Variants in DPYS observed in about 807,000 individuals in gnomAD.
DPYS encodes dihydropyrimidinase.
DPYS carries 39 observed loss-of-function variants against 50.3 expected under a neutral mutation model. The ratio of observed to expected loss-of-function variants is 0.78; its 90% CI spans 0.60 to 1.01. The LOEUF is 1.01. DPYS is among the 50% of genes least tolerant of loss of function. The probability of loss-of-function intolerance (pLI) is 0.00; values close to 1 mark genes in which losing one functional copy is unlikely to be tolerated. For synonymous variants in DPYS, 245 were observed against 250.7 expected (o/e 0.98, Z 0.22); for missense variants, 659 against 680.9 (o/e 0.97, Z 0.36).
intron 5 of DPYS, 142 bp downstream of exon 5, chr8:104,429,403 G>A (rs1812868859): frequency 1.0e-6 from 1 of 1,004,948 alleles, no homozygotes; most frequent in East Asian, 2.5e-5. Flanking sequence ...TTGCTCTGCA[G>A]GTGAGGGGTA....
chr8:104,416,754 G>A (rs1812383899), intron 7 of DPYS, among the ~76,000 whole-genome samples: 1 of 152,020 alleles, frequency 6.6e-6, no homozygotes, highest in South Asian at 2.1e-4. Flanking sequence ...CAACTTCAAG[G>A]GAAAATGCTT....
intron 7 of DPYS, among the ~76,000 whole-genome samples, chr8:104,413,284 T>G (rs937311525): frequency 1.2e-4 from 18 of 151,778 alleles, no homozygotes; most frequent in Non-Finnish European, 2.5e-4. Context: ...ATACATATAG[T>G]ACAATTCATA....
intron 4 of DPYS, among the ~76,000 whole-genome samples, chr8:104,432,270 G>T (rs949724369): frequency 2.0e-5 from 3 of 152,204 alleles, no homozygotes; most frequent in Admixed American, 2.0e-4. Flanking sequence ...ACTTAAAGGA[G>T]TTTTACCCTT....
chr8:104,412,340 A>G (rs1170389049), intron 7 of DPYS, among the ~76,000 whole-genome samples: 2 of 152,216 alleles, frequency 1.3e-5, no homozygotes, highest in Non-Finnish European at 2.9e-5. Flanking sequence ...CTATGTGATG[A>G]GCTCAGAAAA....
At chr8:104,412,850 T>C (rs567303506) in intron 7 of DPYS, among the ~76,000 whole-genome samples, 10 of 152,308 alleles carry the variant, frequency 6.6e-5, no homozygotes, top group Admixed American at 2.0e-4. Flanking sequence ...TTATGCCTAA[T>C]CACTTTGTCT....
At chr8:104,445,686 CA>C (rs935349731) in intron 3 of DPYS, among the ~76,000 whole-genome samples, 2 of 149,070 alleles carry the variant, frequency 1.3e-5, no homozygotes, top group African/African-American at 2.5e-5. Flanking sequence ...GTGTGTAAAA[CA>C]AAAAAAAAGA....
intron 4 of DPYS, among the ~76,000 whole-genome samples, chr8:104,432,628 A>G (rs139473188): frequency 6.6e-6 from 1 of 152,370 alleles, no homozygotes; most frequent in East Asian, 1.9e-4. Context: ...TTGAGAAGGC[A>G]AATACATAGA....
intron 8 of DPYS, 25 bp from the exon 9 acceptor site, chr8:104,381,339 T>C: frequency 6.2e-7 from 1 of 1,605,796 alleles, no homozygotes; most frequent in East Asian, 2.2e-5. Context: ...TTCATTTCTC[T>C]CTTGTGGTTT....
Position 104,451,300 on chromosome 8 carries a change from G to A in DPYS, c.369C>T (p.Pro123=), listed in dbSNP as rs1813728224. 6.2e-7 allele frequency: 1 copy of A among 1,614,016 alleles called. No individual in the cohort carries two copies. The highest frequency in any genetic ancestry group is 1.7e-5 in the Admixed American group (1 of 59,998). ...GAAGGCTGTAGTCGCAGCAAACTTT[G>A]GGATCAGCCCAGCTTCGCCAGGTCT... ...AFETWRSWAD[P]KVCCDYSLHV... Residue 123 remains proline, a synonymous_variant, in exon 2 of 10, where the codon CCC becomes CCT. Coordinates refer to ENST00000351513, the MANE Select transcript of DPYS (RefSeq NM_001385.3).
chr8:104,446,229 T>C (rs1813525470), intron 3 of DPYS, among the ~76,000 whole-genome samples: 1 of 152,066 alleles, frequency 6.6e-6, no homozygotes, highest in Admixed American at 6.5e-5. Context: ...CTCATAAATA[T>C]ATACACTACT....
chr8:104,402,684 A>T (rs929104180), intron 7 of DPYS, among the ~76,000 whole-genome samples: 1 of 152,168 alleles, frequency 6.6e-6, no homozygotes, highest in Non-Finnish European at 1.5e-5. Flanking sequence ...CTCACACAAC[A>T]TCCTTCCCGA....
At chr8:104,381,364 A>AAAGTT (rs1811030697) in intron 8 of DPYS, 50 bp from the exon 9 acceptor site, 1 of 1,537,432 alleles carries the variant, frequency 6.5e-7, no homozygotes, top group Non-Finnish European at 9.0e-7. Context: ...TCTTGAGTTC[A>AAAGTT]AAGTTAAGTG....
At chr8:104,413,572 CTTAAAACACAGAAACCAGCCAT>C (rs1812267088) in intron 7 of DPYS, among the ~76,000 whole-genome samples, 1 of 151,992 alleles carries the variant, frequency 6.6e-6, no homozygotes, top group South Asian at 2.1e-4. Flanking sequence ...CTCAAAGAGA[CTTAAAACACAGAAACCAGCCAT>C]TTACTATAAT....
At chr8:104,395,690 C>A (rs929311956) in intron 7 of DPYS, among the ~76,000 whole-genome samples, 1 of 152,194 alleles carries the variant, frequency 6.6e-6, no homozygotes, top group African/African-American at 2.4e-5. Context: ...GCTATACATT[C>A]ACCCACTGAA....
chr8:104,433,836 C>T (rs1307137917), intron 4 of DPYS, among the ~76,000 whole-genome samples: 5 of 151,860 alleles, frequency 3.3e-5, no homozygotes, highest in Admixed American at 6.6e-5. Context: ...GATTTTTCTC[C>T]GCATCTTTTA....
intron 4 of DPYS, among the ~76,000 whole-genome samples, chr8:104,436,291 A>G (rs866163882): frequency 3.3e-5 from 5 of 152,184 alleles, no homozygotes; most frequent in African/African-American, 9.7e-5. Context: ...ACGCACACAC[A>G]AAAAAGAAGA....
chr8:104,393,094 C>A (rs921967628), intron 7 of DPYS, 103 bp from the exon 8 acceptor site: 2 of 1,035,344 alleles, frequency 1.9e-6, no homozygotes, highest in Admixed American at 2.1e-5. Context: ...CTTAGCAACT[C>A]TATTAAGTCA....
At chr8:104,383,353 C>A (rs59300242) in intron 8 of DPYS, among the ~76,000 whole-genome samples, 7 of 152,130 alleles carry the variant, frequency 4.6e-5, no homozygotes, top group Admixed American at 1.3e-4. Context: ...CTTGCTTACC[C>A]CAGGTTTCTG....
At position 104,429,742 on chromosome 8, in the gene DPYS, T is replaced by A. The variant is rs1013390812; in HGVS notation, c.794-41A>T. The A allele has an allele frequency of 7.4e-6, 12 of 1,612,190 alleles. No homozygotes were observed. The East Asian group carries it at 1.3e-4, about 18-fold the overall frequency. ...GAAGCATTCATCACTTTAATTTTAT[T>A]CTTAAGAGGACCATATGACAAACAC... On this transcript the variant is annotated intron_variant, in intron 4 of 9. Coordinates refer to ENST00000351513, the MANE Select transcript of DPYS (RefSeq NM_001385.3).
Sources: allele counts gnomAD v4.1 joint callset (sites outside exome capture counted in the v4.1 genomes callset), GRCh38; gene constraint gnomAD v4.1.1; transcripts MANE v1.5; gene names NCBI Gene and HGNC (gene_info 2026-07-23, HGNC 2026-07-21).